SPOCK3: variants seen among roughly 807,000 people sequenced by gnomAD.
The protein encoded by SPOCK3 is testican-3.
SPOCK3 carries 30 observed loss-of-function variants against 56.6 expected under a neutral mutation model. That is an observed-to-expected ratio of 0.53 (90% CI 0.40 to 0.72). The LOEUF is 0.72. SPOCK3 is among the 30% of genes least tolerant of loss of function. The pLI is 0.00. For synonymous variants in SPOCK3, 196 were observed against 183.3 expected (o/e 1.07, Z -0.56); for missense variants, 527 against 530.0 (o/e 0.99, Z 0.06).
chr4:166,787,323 C>A (rs951501072), intron 7 of SPOCK3, among the ~76,000 whole-genome samples: 1 of 152,060 alleles, frequency 6.6e-6, no homozygotes, highest in Admixed American at 6.6e-5. Context: ...ACCAGAAAAA[C>A]GTGTGATTTG....
chr4:166,882,541 G>A (rs1733787148), intron 6 of SPOCK3, among the ~76,000 whole-genome samples: 2 of 152,244 alleles, frequency 1.3e-5, no homozygotes, highest in East Asian at 1.9e-4. Context: ...GCCATATTAT[G>A]TATTGGAAAG....
chr4:167,056,008 G>A (rs953886866), intron 3 of SPOCK3, among the ~76,000 whole-genome samples: 2 of 152,162 alleles, frequency 1.3e-5, no homozygotes, highest in Admixed American at 1.3e-4. Context: ...CCTGAAGTGG[G>A]TCCCTGACAG....
intron 10 of SPOCK3, among the ~76,000 whole-genome samples, chr4:166,735,365 T>C (rs1734119907): frequency 1.3e-5 from 2 of 152,056 alleles, no homozygotes; most frequent in East Asian, 1.9e-4. Context: ...CCAGTTGTTA[T>C]AGAAATTCAT....
intron 4 of SPOCK3, among the ~76,000 whole-genome samples, chr4:166,940,618 C>A (rs1028614584): frequency 6.6e-6 from 1 of 151,458 alleles, no homozygotes; most frequent in East Asian, 2.0e-4. Flanking sequence ...TAATAAAAAA[C>A]CCCTAGGAAG....
intron 6 of SPOCK3, among the ~76,000 whole-genome samples, chr4:166,819,496 T>C (rs1744703473): frequency 6.6e-6 from 1 of 151,954 alleles, no homozygotes; most frequent in Admixed American, 6.6e-5. Flanking sequence ...TAAACATACA[T>C]ACAATTAATA....
intron 2 of SPOCK3, among the ~76,000 whole-genome samples, chr4:167,132,736 G>A (rs994685448): frequency 1.4e-4 from 22 of 151,972 alleles, no homozygotes; most frequent in African/African-American, 4.8e-4. Context: ...ATAGCTGCCC[G>A]TAAACCCTGG....
intron 4 of SPOCK3, among the ~76,000 whole-genome samples, chr4:166,973,012 A>G (rs993525119): frequency 3.9e-5 from 6 of 152,126 alleles, no homozygotes; most frequent in Non-Finnish European, 5.9e-5. Flanking sequence ...TACCCACCGA[A>G]ATCTCATCTT....
At chr4:166,995,369 G>A (rs1748249463) in intron 4 of SPOCK3, among the ~76,000 whole-genome samples, 1 of 151,818 alleles carries the variant, frequency 6.6e-6, no homozygotes, top group Non-Finnish European at 1.5e-5. Flanking sequence ...ACTATCCAAA[G>A]TACAATGACC....
At chr4:166,971,012 C>T (rs548575734) in intron 4 of SPOCK3, among the ~76,000 whole-genome samples, 1 of 152,114 alleles carries the variant, frequency 6.6e-6, no homozygotes, top group Non-Finnish European at 1.5e-5. Context: ...TAGGCGCATA[C>T]CAGCATACCT....
intron 2 of SPOCK3, among the ~76,000 whole-genome samples, chr4:167,110,629 T>C (rs1678352696): frequency 1.3e-5 from 2 of 152,152 alleles, no homozygotes; most frequent in Middle Eastern, 3.4e-3. Context: ...TTCTATTTAA[T>C]CATTTATCCA....
At chr4:167,041,451 T>C (rs1176815849) in intron 3 of SPOCK3, among the ~76,000 whole-genome samples, 1 of 152,190 alleles carries the variant, frequency 6.6e-6, no homozygotes, top group Non-Finnish European at 1.5e-5. Flanking sequence ...AGATCTAAAA[T>C]CTGATCTCAA....
At chr4:167,110,601 A>T (rs1005768968) in intron 2 of SPOCK3, among the ~76,000 whole-genome samples, 2 of 152,082 alleles carry the variant, frequency 1.3e-5, no homozygotes, top group East Asian at 3.9e-4. Context: ...GAAAGTATGC[A>T]TATCACCTTC....
At chr4:166,858,601 C>T (rs1243847717) in intron 6 of SPOCK3, among the ~76,000 whole-genome samples, 2 of 151,990 alleles carry the variant, frequency 1.3e-5, no homozygotes, top group African/African-American at 2.4e-5. Context: ...GTAGAGGTAA[C>T]TTTAAACTCC....
intron 4 of SPOCK3, among the ~76,000 whole-genome samples, chr4:166,988,428 A>G (rs796566541): frequency 2.0e-5 from 3 of 152,248 alleles, no homozygotes; most frequent in African/African-American, 7.2e-5. Flanking sequence ...AGAGTTTTAC[A>G]GTAGCATTTT....
chr4:166,836,845 G>A (rs761357115), intron 6 of SPOCK3, among the ~76,000 whole-genome samples: 1 of 151,932 alleles, frequency 6.6e-6, no homozygotes, highest in Non-Finnish European at 1.5e-5. Flanking sequence ...TTATTACCTC[G>A]GCCTACTTTC....
At chr4:166,771,890 A>G (rs1314704836) in intron 7 of SPOCK3, among the ~76,000 whole-genome samples, 1 of 152,000 alleles carries the variant, frequency 6.6e-6, no homozygotes, top group Non-Finnish European at 1.5e-5. Context: ...TCCCATAGCC[A>G]CTGTTATTTC....
chr4:166,743,391 GC>G (rs1735126814), intron 8 of SPOCK3, among the ~76,000 whole-genome samples: 1 of 152,050 alleles, frequency 6.6e-6, no homozygotes, highest in East Asian at 1.9e-4. Flanking sequence ...TGAGATAGGT[GC>G]TTAACATATA....
At chr4:166,896,754 G>T (rs10517908) in intron 5 of SPOCK3, among the ~76,000 whole-genome samples, 91,498 of 152,028 alleles carry the variant, frequency 0.6, 28,048 homozygotes, top group East Asian at 0.75. Context: ...TTAGTTATAT[G>T]TTCAACCAAT....
intron 2 of SPOCK3, among the ~76,000 whole-genome samples, chr4:167,087,969 G>A (rs114620664): frequency 0.012 from 1,833 of 151,748 alleles, 44 homozygotes; most frequent in African/African-American, 0.041. Context: ...ATAAGCAAAC[G>A]CTGATAACAT....
Sources: allele counts gnomAD v4.1 joint callset (sites outside exome capture counted in the v4.1 genomes callset), GRCh38; gene constraint gnomAD v4.1.1; transcripts MANE v1.5; gene names NCBI Gene and HGNC (gene_info 2026-07-23, HGNC 2026-07-21).